VWA8: variants seen among roughly 807,000 people sequenced by gnomAD.
VWA8 encodes von Willebrand factor A domain containing 8, also known as von Willebrand factor A domain-containing protein 8.
VWA8 carries 221 observed loss-of-function variants against 241.5 expected under a neutral mutation model. The ratio of observed to expected loss-of-function variants is 0.91; its 90% CI spans 0.82 to 1.02. The LOEUF is 1.02. VWA8 is among the 50% of genes least tolerant of loss of function. The pLI is 0.00. For missense variants in VWA8, 2,322 were observed against 2,328.7 expected (o/e 1.00, Z 0.06); for synonymous variants, 852 against 827.1 (o/e 1.03, Z -0.52).
At chr13:41,592,570 GAA>G (rs58447140) in intron 40 of VWA8, among the ~76,000 whole-genome samples, 1 of 133,536 alleles carries the variant, frequency 7.5e-6, no homozygotes, top group Admixed American at 7.5e-5. Flanking sequence ...TATTTGTTTT[GAA>G]AAAAAAAAAA....
intron 5 of VWA8, among the ~76,000 whole-genome samples, chr13:41,888,563 C>T (rs375563897): frequency 4.0e-4 from 61 of 152,280 alleles, no homozygotes; most frequent in African/African-American, 1.3e-3. Flanking sequence ...ACTCGCACAC[C>T]GTAAACACAA....
At chr13:41,873,281 G>C (rs1366708606) in intron 9 of VWA8, among the ~76,000 whole-genome samples, 2 of 152,056 alleles carry the variant, frequency 1.3e-5, no homozygotes, top group East Asian at 1.9e-4. Context: ...AACTAGAAAA[G>C]CAAGAGCAAA....
chr13:41,819,524 G>GA, intron 14 of VWA8, 138 bp from the exon 15 acceptor site: 1 of 969,648 alleles, frequency 1.0e-6, no homozygotes, highest in Non-Finnish European at 1.5e-6. Context: ...GATTAGCTTT[G>GA]AAAAAAACAA....
At chr13:41,701,107 C>T (rs1295305853) in intron 28 of VWA8, among the ~76,000 whole-genome samples, 2 of 152,108 alleles carry the variant, frequency 1.3e-5, no homozygotes, top group East Asian at 3.8e-4. Flanking sequence ...TTTATTTTTC[C>T]CTTCTATTTT....
chr13:41,700,425 TGTTA>T (rs1650015699), intron 28 of VWA8, among the ~76,000 whole-genome samples: 1 of 152,148 alleles, frequency 6.6e-6, no homozygotes, highest in East Asian at 1.9e-4. Context: ...AAACTGTAGA[TGTTA>T]GTTTCAATTA....
At chr13:41,837,481 C>CT (rs11411057) in intron 12 of VWA8, among the ~76,000 whole-genome samples, 123,673 of 152,136 alleles carry the variant, frequency 0.81, 51,128 homozygotes, top group East Asian at 1. Context: ...ATTAATAAAA[C>CT]TTTTCAGCAT....
Position 41,615,048 on chromosome 13 carries a change from A to C in VWA8, c.4648T>G (p.Ser1550Ala). ...GGGTCCTCCTTCCCGTGTTTGGGGG[A>C]GCTTACATCTTCACCACTGTCTCTG... The part of the protein sequence containing the change: ...INRDSGEDVS[S>A]PKHGKEDPDN... The change falls in exon 38 of 45, where the codon TCC becomes GCC. Residue 1550 changes from serine to alanine, a missense_variant. By Grantham distance (99) the Ser-to-Ala change is moderately conservative. Transcript: ENST00000379310. 1 of 1,613,826 alleles carries C rather than the reference A, an allele frequency of 6.2e-7. No individual in the cohort carries two copies. The highest frequency in any genetic ancestry group is 1.1e-5 in the South Asian group (1 of 91,066).
At chr13:41,598,742 T>A (rs2044503824) in intron 40 of VWA8, among the ~76,000 whole-genome samples, 1 of 152,078 alleles carries the variant, frequency 6.6e-6, no homozygotes, top group Admixed American at 6.6e-5. Flanking sequence ...CCTGTGGCAT[T>A]CAAGGTTTCA....
chr13:41,817,910 G>A (rs1870768138), intron 15 of VWA8, among the ~76,000 whole-genome samples: 1 of 152,114 alleles, frequency 6.6e-6, no homozygotes, highest in South Asian at 2.1e-4. Flanking sequence ...GTTTAATGTG[G>A]TAGCCAAAAG....
rs780373750 is a variant in VWA8, at chr13:41,778,054, A to G, written c.2280T>C (p.His760=). The G allele has an allele frequency of 6.2e-7, 1 of 1,609,910 alleles. No homozygotes were observed. The highest frequency in any genetic ancestry group is 1.1e-5 in the South Asian group (1 of 90,036). The change falls in exon 20 of 45, where the codon CAT becomes CAC. Residue 760 remains histidine (H), a splice_region_variant and synonymous_variant. Transcript: ENST00000379310. ...PDVLFYDNIQ[H]VIVMEDMLKD... ...TCAGCATATCTTCCATCACTATCAC[A>G]TGCTAGAGAAAAAGGAACTAGGGGT...
chr13:41,628,903 T>C (rs193279740), intron 37 of VWA8, among the ~76,000 whole-genome samples: 28 of 152,102 alleles, frequency 1.8e-4, no homozygotes, highest in Admixed American at 1.8e-3. Context: ...TAGCTGGGTG[T>C]GGTGGTGTGC....
chr13:41,841,811 A>AT (rs1872040433), intron 12 of VWA8, among the ~76,000 whole-genome samples: 5 of 32,292 alleles, frequency 1.5e-4, no homozygotes, highest in African/African-American at 4.3e-4. Flanking sequence ...AAAAAAAAAA[A>AT]AAAAAAAAAA....
intron 17 of VWA8, among the ~76,000 whole-genome samples, chr13:41,790,198 A>G (rs1869391942): frequency 6.6e-6 from 1 of 152,124 alleles, no homozygotes; most frequent in Non-Finnish European, 1.5e-5. Context: ...AGCTTCTAAA[A>G]CCAAAAATAA....
At chr13:41,627,345 T>G (rs1189774506) in intron 37 of VWA8, among the ~76,000 whole-genome samples, 1 of 152,132 alleles carries the variant, frequency 6.6e-6, no homozygotes, top group Non-Finnish European at 1.5e-5. Context: ...CTTTCCTTGC[T>G]TTGTTTGTGT....
intron 10 of VWA8, among the ~76,000 whole-genome samples, chr13:41,867,323 A>G (rs1873358456): frequency 6.6e-6 from 1 of 152,174 alleles, no homozygotes. Flanking sequence ...TTTCTTCTCC[A>G]TATCCCCAGT....
intron 32 of VWA8, 44 bp downstream of exon 32, chr13:41,691,276 T>G (rs372198226): frequency 2.5e-6 from 4 of 1,573,954 alleles, no homozygotes; most frequent in Non-Finnish European, 3.5e-6. Context: ...TAAATAAGAT[T>G]GAGCTACAAC....
chr13:41,573,486 A>AAAAAAAATATATAT, intron 43 of VWA8, among the ~76,000 whole-genome samples: 1 of 113,614 alleles, frequency 8.8e-6, no homozygotes, highest in Admixed American at 1.0e-4. Context: ...AAAAAAAAAA[A>AAAAAAAATATATAT]ATATATATAT....
intron 20 of VWA8, among the ~76,000 whole-genome samples, chr13:41,773,675 T>C (rs569075395): frequency 2.0e-5 from 3 of 152,174 alleles, no homozygotes; most frequent in Admixed American, 1.3e-4. Context: ...GAAAACACAT[T>C]AGAAAGGAAT....
chr13:41,787,404 C>T (rs1308802414), intron 18 of VWA8, 33 bp downstream of exon 18: 9 of 1,474,290 alleles, frequency 6.1e-6, no homozygotes, highest in Non-Finnish European at 6.6e-6. Context: ...ATTATTATTT[C>T]ACTTAAAAAA....
Sources: allele counts gnomAD v4.1 joint callset (sites outside exome capture counted in the v4.1 genomes callset), GRCh38; gene constraint gnomAD v4.1.1; transcripts MANE v1.5; gene names NCBI Gene and HGNC (gene_info 2026-07-23, HGNC 2026-07-21).